Variants in WAC observed in about 807,000 individuals in gnomAD.
The protein encoded by WAC is WW domain containing adaptor with coiled-coil.
A neutral mutation model predicts 79.6 loss-of-function variants in WAC; 11 were observed. The observed-to-expected ratio is 0.14, with a 90% CI of 0.09 to 0.23. The LOEUF (loss-of-function observed/expected upper bound fraction) is 0.23. Among genes scored for constraint, WAC ranks in the 10% least tolerant of loss-of-function variants. The pLI, the probability that WAC is intolerant of heterozygous loss-of-function variation, is 1.00. For synonymous variants in WAC, 304 were observed against 276.9 expected, an observed-to-expected ratio of 1.10 and a Z score of -0.97; for missense variants, 728 against 773.5, an observed-to-expected ratio of 0.94 and a Z score of 0.70.
At position 28,533,739 on chromosome 10, in the gene WAC, G is replaced by C. The variant is rs1379948444; in HGVS notation, c.41+119G>C. ...TTGTTGTTAACCCTGATCCGGATCG[G>C]GTTGGGGAGGAGGAGCGGCCGCGCG... On this transcript the variant is annotated intron_variant, in intron 1 of 13. Coordinates refer to ENST00000354911, the MANE Select transcript of WAC (RefSeq NM_016628.5). 3.9e-6 allele frequency: 5 copies of C among 1,280,474 alleles called. No individual in the cohort carries two copies. In the African/African-American group the frequency reaches 4.7e-5, roughly 12 times the overall value. 79.3% of individuals were successfully genotyped at this position (1,280,474 alleles called of 1,614,324 possible).
chr10:28,586,185 G>A (rs2132647399), intron 4 of WAC, among the ~76,000 whole-genome samples: 1 of 152,258 alleles, frequency 6.6e-6, no homozygotes, highest in South Asian at 2.1e-4. Flanking sequence ...GGGTATGTGG[G>A]TGATTTTTTA....
intron 3 of WAC, among the ~76,000 whole-genome samples, chr10:28,555,583 A>G (rs1430566801): frequency 6.6e-6 from 1 of 152,136 alleles, no homozygotes; most frequent in Non-Finnish European, 1.5e-5. Flanking sequence ...CAGTGGGTGG[A>G]AAATTACTAA....
chr10:28,617,550 A>G, intron 12 of WAC, 107 bp from the exon 13 acceptor site: 1 of 1,065,014 alleles, frequency 9.4e-7, no homozygotes, highest in Admixed American at 4.1e-5. Context: ...TGAAGGGAAA[A>G]GGATTATTCT....
rs138551422 is a variant in WAC at position 28,596,142 on chromosome 10, A to G, written c.919+101A>G. 3,804 of 1,283,512 alleles carry G rather than the reference A, an allele frequency of 3.0e-3. 10 individuals are homozygous for G. The highest frequency in any genetic ancestry group is 0.021 in the Middle Eastern group (81 of 3,930). 79.5% of individuals were successfully genotyped at this position (1,283,512 alleles called of 1,614,324 possible). A position where few individuals can be genotyped will look rare whatever the true frequency, so the allele number is the denominator to read the frequency against. ...TATTTCCTTTGGCTCTGAATTATAA[A>G]TTTTTAAAAAAGTCTTTTAGAATGT... is the stretch of plus-strand genomic sequence containing the variant. On this transcript the variant is annotated intron_variant, in intron 7 of 13. Coordinates refer to ENST00000354911, the MANE Select transcript of WAC (RefSeq NM_016628.5).
intron 6 of WAC, 98 bp downstream of exon 6, chr10:28,590,930 T>C: frequency 1.1e-6 from 1 of 945,834 alleles, no homozygotes; most frequent in Non-Finnish European, 1.6e-6. Context: ...TAAATTAAAA[T>C]AAATAGAAAC....
chr10:28,611,436 G>A, intron 9 of WAC: 1 of 1,316,856 alleles, frequency 7.6e-7, no homozygotes, highest in Non-Finnish European at 9.9e-7. Context: ...AGACTGCGTG[G>A]GATACCTGGG....
At chr10:28,536,356 A>C (rs1011428321) in intron 3 of WAC, among the ~76,000 whole-genome samples, 2 of 152,190 alleles carry the variant, frequency 1.3e-5, no homozygotes, top group Non-Finnish European at 2.9e-5. Flanking sequence ...CTTTTTTCCA[A>C]GAAAGGAACT....
intron 3 of WAC, among the ~76,000 whole-genome samples, chr10:28,546,714 C>G (rs1257296278): frequency 6.6e-6 from 1 of 152,064 alleles, no homozygotes; most frequent in Non-Finnish European, 1.5e-5. Flanking sequence ...ACAGAATGAA[C>G]TCTCCCCTTT....
chr10:28,583,381 G>T lies in WAC; in HGVS notation c.275-18G>T. On this transcript the variant is annotated intron_variant, in intron 3 of 13. Coordinates refer to ENST00000354911, the MANE Select transcript of WAC (RefSeq NM_016628.5). ...ATACAGTTTACTTGTAATTCACTTT[G>T]TTCTTTATTTTTTTAAGGGACCAGT... 6.5e-7 allele frequency: 1 copy of T among 1,539,304 alleles called. No individual in the cohort carries two copies. The highest frequency in any genetic ancestry group is 1.4e-5 in the African/African-American group (1 of 71,124).
chr10:28,610,885 C>G, intron 9 of WAC, 64 bp downstream of exon 9: 1 of 1,446,080 alleles, frequency 6.9e-7, no homozygotes. Context: ...AATTAATAGC[C>G]CTTTTTTGTA....
At chr10:28,600,263 A>G (rs1403598729) in intron 7 of WAC, among the ~76,000 whole-genome samples, 1 of 151,676 alleles carries the variant, frequency 6.6e-6, no homozygotes, top group East Asian at 1.9e-4. Flanking sequence ...AGGGCAGGAC[A>G]GACTAGTCGT....
intron 3 of WAC, among the ~76,000 whole-genome samples, chr10:28,546,736 A>G (rs915777813): frequency 1.4e-4 from 22 of 152,254 alleles, no homozygotes; most frequent in African/African-American, 3.9e-4. Context: ...AGTTTGACCA[A>G]TTTTATTTAT....
intron 6 of WAC, among the ~76,000 whole-genome samples, chr10:28,593,765 A>T (rs1840219080): frequency 6.6e-6 from 1 of 152,128 alleles, no homozygotes; most frequent in Admixed American, 6.5e-5. Flanking sequence ...ATCAAATGTT[A>T]ATATTCTCCA....
intron 3 of WAC, among the ~76,000 whole-genome samples, chr10:28,543,126 C>T (rs1363167174): frequency 6.6e-6 from 1 of 152,154 alleles, no homozygotes; most frequent in African/African-American, 2.4e-5. Flanking sequence ...CCTGGAGATA[C>T]TATAGTCAGT....
chr10:28,592,142 C>T (rs1840124203), intron 6 of WAC, among the ~76,000 whole-genome samples: 1 of 152,078 alleles, frequency 6.6e-6, no homozygotes, highest in Non-Finnish European at 1.5e-5. Flanking sequence ...CTGAAGTTGG[C>T]ATATTAAAGA....
intron 3 of WAC, among the ~76,000 whole-genome samples, chr10:28,548,495 T>C (rs1837489439): frequency 6.6e-6 from 1 of 152,158 alleles, no homozygotes; most frequent in Non-Finnish European, 1.5e-5. Context: ...TTCAACCCCC[T>C]GATAATTAAA....
At chr10:28,589,140 G>C (rs894869741) in intron 4 of WAC, 7 of 152,192 alleles carry the variant, frequency 4.6e-5, no homozygotes, top group African/African-American at 1.4e-4. Context: ...GAAAAAGAGT[G>C]ATACTGCTAA....
intron 3 of WAC, among the ~76,000 whole-genome samples, chr10:28,572,995 C>A (rs1839056503): frequency 6.6e-6 from 1 of 152,132 alleles, no homozygotes; most frequent in South Asian, 2.1e-4. Context: ...CAGGTGGGCC[C>A]CCACCTAGGT....
At position 28,535,631 on chromosome 10, in the gene WAC, G is replaced by C; in HGVS notation, c.148G>C (p.Gly50Arg). The C allele has an allele frequency of 1.2e-6, 2 of 1,613,990 alleles. No individual in the cohort carries two copies. The highest frequency in any genetic ancestry group is 4.5e-5 in the East Asian group (2 of 44,874). Residue 50 changes from glycine (G) to arginine (R), a missense_variant, in exon 3 of 14, where the codon GGA (glycine) becomes CGA (arginine). This residue lies in a region of WAC where 648 missense variants were observed against 661.5 expected (regional missense o/e 0.98). Coordinates refer to ENST00000354911, the MANE Select transcript of WAC (RefSeq NM_016628.5). ...CAGACATGAAAAGATGCGAGACGCCGGAGATCCTTCACCACCAAATAAAAT... is the reference window on the plus strand; with the variant it reads ...CAGACATGAAAAGATGCGAGACGCCCGAGATCCTTCACCACCAAATAAAAT... ...DHRHEKMRDAGDPSPPNKMLR... is the reference protein window; with the variant it reads ...DHRHEKMRDARDPSPPNKMLR...
Sources: gnomAD v4.1 joint callset for allele counts (sites outside exome capture counted in the v4.1 genomes callset) on GRCh38, gnomAD v4.1.1 for gene constraint, gnomAD v4.1.1 regional missense constraint, MANE v1.5 for transcripts, NCBI Gene and HGNC (gene_info 2026-07-23, HGNC 2026-07-21) for gene names.